KCNT2: variants seen among roughly 807,000 people sequenced by gnomAD.
The protein encoded by KCNT2 is potassium sodium-activated channel subfamily T member 2.
KCNT2 carries 67 observed loss-of-function variants against 153.8 expected under a neutral mutation model. The observed-to-expected ratio is 0.44, with a 90% confidence interval of 0.36 to 0.53. The LOEUF (loss-of-function observed/expected upper bound fraction) is 0.53. KCNT2 is among the 20% of genes least tolerant of loss of function. The pLI, the probability that KCNT2 is intolerant of heterozygous loss-of-function variation, is 0.00. For synonymous variants in KCNT2, 500 were observed against 458.8 expected (o/e 1.09, Z -1.15); for missense variants, 975 against 1,354.8 (o/e 0.72, Z 4.40).
intron 25 of KCNT2, among the ~76,000 whole-genome samples, chr1:196,263,058 A>C (rs1299396337): frequency 6.6e-6 from 1 of 152,154 alleles, no homozygotes; most frequent in Non-Finnish European, 1.5e-5. Flanking sequence ...TAAAGCCAAT[A>C]ATTTGATGGA....
chr1:196,498,377 C>T (rs1252142272), intron 1 of KCNT2, among the ~76,000 whole-genome samples: 2 of 152,176 alleles, frequency 1.3e-5, no homozygotes, highest in East Asian at 3.9e-4. Context: ...AGATCACTAT[C>T]AGAGGAAGGT....
At chr1:196,308,563 C>T (rs954572973) in intron 21 of KCNT2, among the ~76,000 whole-genome samples, 1 of 151,926 alleles carries the variant, frequency 6.6e-6, no homozygotes, top group Admixed American at 6.6e-5. Flanking sequence ...TAGTTTCTAA[C>T]TTGTGTTAGA....
intron 1 of KCNT2, among the ~76,000 whole-genome samples, chr1:196,557,240 T>A (rs1169428143): frequency 2.0e-5 from 3 of 151,238 alleles, no homozygotes; most frequent in Non-Finnish European, 4.4e-5. Flanking sequence ...CGAAAATATC[T>A]CATATACCCC....
chr1:196,256,083 A>G (rs1447002970), intron 26 of KCNT2, among the ~76,000 whole-genome samples: 1 of 152,114 alleles, frequency 6.6e-6, no homozygotes, highest in Non-Finnish European at 1.5e-5. Flanking sequence ...ATATAAGCAT[A>G]AACACAAGTA....
At chr1:196,299,238 T>C (rs1488718128) in intron 22 of KCNT2, among the ~76,000 whole-genome samples, 2 of 152,134 alleles carry the variant, frequency 1.3e-5, no homozygotes, top group African/African-American at 2.4e-5. Flanking sequence ...TCTTCTACTG[T>C]TGCCTGTTAC....
chr1:196,603,982 A>G (rs1002078410), intron 1 of KCNT2, among the ~76,000 whole-genome samples: 1 of 152,246 alleles, frequency 6.6e-6, no homozygotes, highest in African/African-American at 2.4e-5. Context: ...TGAATCATAG[A>G]AATATTAAAA....
rs547900920 is a variant in KCNT2, at chr1:196,589,255, A to AT, written c.95+18959dup. 3.4e-4 allele frequency among the ~76,000 whole-genome samples: 24 copies of AT among 71,634 alleles called. No homozygotes were observed. The South Asian group carries it at 0.018, about 54-fold the overall frequency. 47.0% of individuals were successfully genotyped at this position (71,634 alleles called of 152,430 possible). A position where few individuals can be genotyped will look rare whatever the true frequency, so the allele number is the denominator to read the frequency against. On this transcript the variant is annotated intron_variant, in intron 1 of 27. Coordinates refer to ENST00000294725, the MANE Select transcript of KCNT2 (RefSeq NM_198503.5). Reference sequence around the variant, plus strand: ...CATAATCCTTAAAGTCACTATATATATAAAAAAAAGTGTGTGTGTGTGTGC... The same window carrying AT: ...CATAATCCTTAAAGTCACTATATATATTAAAAAAAAGTGTGTGTGTGTGTGC...
At chr1:196,391,286 C>T (rs920875437) in intron 13 of KCNT2, among the ~76,000 whole-genome samples, 3 of 151,060 alleles carry the variant, frequency 2.0e-5, no homozygotes, top group Admixed American at 6.6e-5. Flanking sequence ...ATGTCACTAG[C>T]GCATAGAACA....
intron 19 of KCNT2, among the ~76,000 whole-genome samples, chr1:196,320,713 G>GAA (rs769007349): frequency 2.1e-4 from 28 of 134,228 alleles, no homozygotes; most frequent in African/African-American, 4.3e-4. Context: ...AACATTTAAA[G>GAA]AAAAAAAAAA....
chr1:196,228,848 A>G (rs978010932), intron 27 of KCNT2, among the ~76,000 whole-genome samples: 1 of 152,118 alleles, frequency 6.6e-6, no homozygotes, highest in Non-Finnish European at 1.5e-5. Flanking sequence ...CAATTTAAAT[A>G]TTTTATGAAT....
intron 25 of KCNT2, among the ~76,000 whole-genome samples, chr1:196,259,001 A>G (rs998545364): frequency 6.6e-6 from 1 of 152,174 alleles, no homozygotes; most frequent in South Asian, 2.1e-4. Flanking sequence ...ACGTTATAAT[A>G]TGTGAATTTT....
At chr1:196,284,248 A>AAAAAAAAAAT in intron 23 of KCNT2, among the ~76,000 whole-genome samples, 1 of 10,042 alleles carries the variant, frequency 1.0e-4, no homozygotes, top group Non-Finnish European at 5.3e-4. Context: ...AAAAAAAAAA[A>AAAAAAAAAAT]ATATATATAT....
chr1:196,462,554 C>T (rs1677240876), intron 8 of KCNT2, among the ~76,000 whole-genome samples: 1 of 151,266 alleles, frequency 6.6e-6, no homozygotes, highest in Non-Finnish European at 1.5e-5. Flanking sequence ...TTTGTGGACT[C>T]ACATGAGAAT....
intron 8 of KCNT2, among the ~76,000 whole-genome samples, chr1:196,455,988 T>C (rs1488708113): frequency 6.6e-6 from 1 of 152,046 alleles, no homozygotes; most frequent in African/African-American, 2.4e-5. Flanking sequence ...CTACACTGGA[T>C]CTCCAAGTTT....
chr1:196,558,728 A>C (rs532163930), intron 1 of KCNT2, among the ~76,000 whole-genome samples: 1 of 151,514 alleles, frequency 6.6e-6, no homozygotes, highest in Non-Finnish European at 1.5e-5. Flanking sequence ...TACTCTTTTT[A>C]TAAAGTTGAC....
chr1:196,542,077 T>C (rs1321188659), intron 1 of KCNT2, among the ~76,000 whole-genome samples: 1 of 151,992 alleles, frequency 6.6e-6, no homozygotes, highest in Non-Finnish European at 1.5e-5. Flanking sequence ...AAAAGTTATA[T>C]ATAAAACATA....
chr1:196,548,417 C>G (rs1657407186), intron 1 of KCNT2, among the ~76,000 whole-genome samples: 3 of 152,198 alleles, frequency 2.0e-5, no homozygotes, highest in Admixed American at 2.0e-4. Context: ...ATGCTCATCA[C>G]TGGCCATCAG....
At chr1:196,477,517 T>C (rs1234545017) in intron 5 of KCNT2, among the ~76,000 whole-genome samples, 2 of 151,796 alleles carry the variant, frequency 1.3e-5, no homozygotes, top group African/African-American at 2.4e-5. Context: ...CCAGGCGGAG[T>C]TGAAGCTGCA....
At chr1:196,344,429 AT>A (rs1372565058) in intron 14 of KCNT2, among the ~76,000 whole-genome samples, 3 of 152,190 alleles carry the variant, frequency 2.0e-5, no homozygotes, top group Admixed American at 1.3e-4. Context: ...ATATGACTAC[AT>A]CTAGCTACTA....
Sources: allele counts gnomAD v4.1 joint callset (sites outside exome capture counted in the v4.1 genomes callset), GRCh38; gene constraint gnomAD v4.1.1; transcripts MANE v1.5; gene names NCBI Gene and HGNC (gene_info 2026-07-23, HGNC 2026-07-21).